Variants in RHBDL3 observed in about 807,000 individuals in gnomAD.
RHBDL3 encodes rhomboid-related protein 3.
In RHBDL3, 28 loss-of-function variants were observed where a neutral mutation model predicts 48.2. The ratio of observed to expected loss-of-function variants is 0.58; its 90% CI spans 0.43 to 0.80. The LOEUF (loss-of-function observed/expected upper bound fraction) is 0.80. Ranked by LOEUF, RHBDL3 falls within the 30% of genes least tolerant of loss-of-function variation. RHBDL3 has a pLI of 0.00. For missense variants in RHBDL3, 464 were observed against 542.7 expected, an observed-to-expected ratio of 0.85 and a Z score of 1.44; for synonymous variants, 208 against 232.3, an observed-to-expected ratio of 0.90 and a Z score of 0.95.
chr17:32,320,459 G>A (rs2041097679), intron 8 of RHBDL3, among the ~76,000 whole-genome samples: 1 of 150,894 alleles, frequency 6.6e-6, no homozygotes, highest in African/African-American at 2.4e-5. Context: ...GAGTAGCTGG[G>A]ATTACGGGAG....
rs1404278297 is a variant in RHBDL3, at chr17:32,322,926, A to T, written c.*1697A>T. ...GCAGGGGGGCTGGGCGTGTCCAGAA[A>T]CAGGGGCAGGAGTGTGGGAACGGTC... On this transcript the variant is annotated 3_prime_UTR_variant, in exon 9 of 9. Coordinates refer to ENST00000269051, the MANE Select transcript of RHBDL3 (RefSeq NM_138328.3). The T allele has an allele frequency of 6.6e-6, 1 of 152,498 alleles. No individual in the cohort carries two copies. Among genetic ancestry groups the T allele is most frequent in the Admixed American group, 6.5e-5 (1 of 15,274 alleles). The allele number at this position is 152,498 out of a possible 1,614,324, so 9.4% of individuals were successfully genotyped here.
At chr17:32,278,997 A>G (rs1019688225) in intron 2 of RHBDL3, among the ~76,000 whole-genome samples, 5 of 152,118 alleles carry the variant, frequency 3.3e-5, no homozygotes, top group African/African-American at 1.2e-4. Context: ...GTATGGTAGC[A>G]CATACCTGTG....
At chr17:32,287,072 G>A in intron 3 of RHBDL3, among the ~76,000 whole-genome samples, 1 of 152,176 alleles carries the variant, frequency 6.6e-6, no homozygotes, top group East Asian at 1.9e-4. Flanking sequence ...ATAATACGGG[G>A]TGCCAAATAA....
chr17:32,301,025 G>A (rs1431895433), intron 6 of RHBDL3, among the ~76,000 whole-genome samples: 1 of 152,102 alleles, frequency 6.6e-6, no homozygotes, highest in East Asian at 1.9e-4. Context: ...GATTGCAGGT[G>A]CCCACCACCG....
chr17:32,294,561 G>T, intron 5 of RHBDL3, 119 bp downstream of exon 5: 1 of 1,007,340 alleles, frequency 9.9e-7, no homozygotes, highest in Non-Finnish European at 1.4e-6. Context: ...ATAGGATTTG[G>T]GATGGCTGCT....
Position 32,316,060 on chromosome 17 carries a change from T to C in RHBDL3, c.883-172T>C, listed in dbSNP as rs148927454. 1.9e-3 allele frequency among the ~76,000 whole-genome samples: 295 copies of C among 152,250 alleles called. 1 individual carries two copies. Among genetic ancestry groups the C allele is most frequent in the South Asian group, 0.012 (60 of 4,814 alleles). On this transcript the variant is annotated intron_variant, in intron 7 of 8. Transcript: ENST00000269051. ...AAGAACTCTTATGACGGGAGTAAAC[T>C]TGCTGTTGCCTAAAATCTCAAAGCC...
chr17:32,272,216 G>C (rs2039787736), intron 2 of RHBDL3, among the ~76,000 whole-genome samples: 1 of 152,258 alleles, frequency 6.6e-6, no homozygotes, highest in African/African-American at 2.4e-5. Flanking sequence ...CTGAGATCCA[G>C]GCCCCTACGG....
In RHBDL3 at chr17:32,321,156, T is replaced by A. The variant is rs1215262096; in HGVS notation, c.1142T>A (p.Phe381Tyr). 1.2e-6 allele frequency: 2 copies of A among 1,614,090 alleles called. No individual in the cohort carries two copies. Among genetic ancestry groups the A allele is most frequent in the South Asian group, 1.1e-5 (1 of 91,092 alleles). ...ATTTTTGTGGCCATGTACACCGTCT[T>A]CGTGCTGTTCGCTGTCTTCTGGAAC... Reference protein sequence around the residue: ...WWIFVAMYTVFVLFAVFWNIF... With the variant: ...WWIFVAMYTVYVLFAVFWNIF... Residue 381 changes from phenylalanine (F) to tyrosine (Y), a missense_variant, in exon 9 of 9, where the codon TTC (phenylalanine) becomes TAC (tyrosine). By Grantham distance (22) the Phe-to-Tyr change is conservative. Coordinates refer to ENST00000269051, the MANE Select transcript of RHBDL3 (RefSeq NM_138328.3).
At position 32,322,998 on chromosome 17, in the gene RHBDL3, C is replaced by T. The variant is rs189311818; in HGVS notation, c.*1769C>T. ...CCTGGCCCTTGAGTGTAGCAGGGTC[C>T]AGGGTCAGTCAGGCCAGGCATTTGG... On this transcript the variant is annotated 3_prime_UTR_variant, in exon 9 of 9. Transcript: ENST00000269051. The T allele has an allele frequency of 1.3e-5, 2 of 152,342 alleles. No individual in the cohort carries two copies. The highest frequency in any genetic ancestry group is 2.1e-4 in the South Asian group (1 of 4,830). 9.4% of individuals were successfully genotyped at this position (152,342 alleles called of 1,614,324 possible). A position where few individuals can be genotyped will look rare whatever the true frequency, so the allele number is the denominator to read the frequency against.
chr17:32,315,988 TCTC>T (rs1429325612), intron 7 of RHBDL3, among the ~76,000 whole-genome samples: 1 of 152,016 alleles, frequency 6.6e-6, no homozygotes, highest in East Asian at 1.9e-4. Context: ...AGACAGGGCC[TCTC>T]CTCTTCCTAG....
At chr17:32,274,560 G>C (rs967136257) in intron 2 of RHBDL3, among the ~76,000 whole-genome samples, 1 of 152,160 alleles carries the variant, frequency 6.6e-6, no homozygotes. Flanking sequence ...GGTGTGTGGT[G>C]CTGCACCTCA....
chr17:32,299,966 T>G (rs549449236), intron 6 of RHBDL3, among the ~76,000 whole-genome samples: 35 of 152,332 alleles, frequency 2.3e-4, no homozygotes, highest in African/African-American at 8.4e-4. Context: ...TGAGCCGGTT[T>G]ACAGCCAGCC....
intron 2 of RHBDL3, 81 bp from the exon 3 acceptor site, chr17:32,284,578 T>C: frequency 7.3e-7 from 1 of 1,370,224 alleles, no homozygotes; most frequent in African/African-American, 1.4e-5. Context: ...CAGTGAATAG[T>C]GGTGGAGATC....
chr17:32,272,618 C>T (rs2039797936), intron 2 of RHBDL3, among the ~76,000 whole-genome samples: 1 of 152,200 alleles, frequency 6.6e-6, no homozygotes. Flanking sequence ...CTCCTCTTCA[C>T]CACAGAGCCT....
chr17:32,286,213 A>G (rs1283410717), intron 3 of RHBDL3, among the ~76,000 whole-genome samples: 1 of 152,180 alleles, frequency 6.6e-6, no homozygotes. Flanking sequence ...TTGCTGCAAG[A>G]TGCCCTGCTA....
intron 5 of RHBDL3, among the ~76,000 whole-genome samples, chr17:32,296,077 A>T (rs1197381391): frequency 6.6e-6 from 1 of 151,512 alleles, no homozygotes; most frequent in Non-Finnish European, 1.5e-5. Context: ...AATACAAAAA[A>T]ATTAGCCAGG....
chr17:32,300,232 T>A (rs2040551234), intron 6 of RHBDL3, among the ~76,000 whole-genome samples: 1 of 152,130 alleles, frequency 6.6e-6, no homozygotes, highest in African/African-American at 2.4e-5. Flanking sequence ...TCCTTGTCCT[T>A]TTTGCAGTTA....
intron 2 of RHBDL3, among the ~76,000 whole-genome samples, chr17:32,279,115 A>C (rs1237910676): frequency 6.6e-6 from 1 of 152,212 alleles, no homozygotes; most frequent in African/African-American, 2.4e-5. Flanking sequence ...CAACAGAGCA[A>C]GATCCTGTTG....
chr17:32,298,523 G>GCTTTAA (rs2040508507), intron 6 of RHBDL3, among the ~76,000 whole-genome samples: 1 of 152,180 alleles, frequency 6.6e-6, no homozygotes, highest in East Asian at 1.9e-4. Context: ...AACCTCTTTT[G>GCTTTAA]GCCATGTTAA....
Sources: gnomAD v4.1 joint callset for allele counts (sites outside exome capture counted in the v4.1 genomes callset) on GRCh38, gnomAD v4.1.1 for gene constraint, MANE v1.5 for transcripts, NCBI Gene and HGNC (gene_info 2026-07-23, HGNC 2026-07-21) for gene names.